The following RESF1 variants were observed in gnomAD, a reference collection of about 807,000 sequenced individuals.
RESF1 encodes gonad expressed transcript.
RESF1 carries 65 observed loss-of-function variants against 134.7 expected under a neutral mutation model. The observed-to-expected ratio is 0.48, with a 90% CI of 0.40 to 0.59. RESF1 has a LOEUF of 0.59. Among genes scored for constraint, RESF1 ranks in the 20% least tolerant of loss-of-function variants. RESF1 has a pLI of 0.00. For synonymous variants in RESF1, 762 were observed against 702.2 expected (o/e 1.09, Z -1.35); for missense variants, 2,274 against 2,002.7 (o/e 1.14, Z -2.59).
intron 5 of RESF1, among the ~76,000 whole-genome samples, chr12:31,989,818 C>G (rs1379972741): frequency 6.6e-6 from 1 of 152,134 alleles, no homozygotes; most frequent in Non-Finnish European, 1.5e-5. Flanking sequence ...GACCACTGCA[C>G]TCCAGCTTGG....
chr12:31,982,163 TAAA>T lies in RESF1; in HGVS notation c.1210_1212del (p.Lys404del), dbSNP rs1189878069. ...AGGGATATTAAAACATTAGTAGAGA[TAAA>T]ACAGAAGTTTTCAGAACTTGCAAGG... On this transcript the variant is annotated inframe_deletion, in exon 4 of 6. Coordinates refer to ENST00000312561, the MANE Select transcript of RESF1 (RefSeq NM_018169.4). 1.9e-6 allele frequency: 3 copies of T among 1,612,678 alleles called. No individual in the cohort carries two copies. The highest frequency in any genetic ancestry group is 1.3e-5 in the African/African-American group (1 of 74,902).
intron 2 of RESF1, among the ~76,000 whole-genome samples, chr12:31,965,216 C>G (rs1939371290): frequency 6.6e-6 from 1 of 152,178 alleles, no homozygotes; most frequent in South Asian, 2.1e-4. Context: ...CTCTGCCTCC[C>G]AAAGTGCTGG....
chr12:31,969,922 ATGTGTATGTGTGCT>A (rs1939471762), intron 2 of RESF1, among the ~76,000 whole-genome samples: 1 of 152,064 alleles, frequency 6.6e-6, no homozygotes, highest in African/African-American at 2.4e-5. Flanking sequence ...CTTTCTATTC[ATGTGTATGTGTGCT>A]TGTGCATGTG....
At chr12:31,987,468 TAGG>T (rs1940002767) in intron 5 of RESF1, 146 bp downstream of exon 5, 3 of 572,024 alleles carry the variant, frequency 5.2e-6, no homozygotes, top group Non-Finnish European at 3.1e-6. Flanking sequence ...GTTTGAGTGG[TAGG>T]AGGACATTTT....
At chr12:31,988,254 G>A (rs1414960473) in intron 5 of RESF1, among the ~76,000 whole-genome samples, 2 of 152,162 alleles carry the variant, frequency 1.3e-5, no homozygotes, top group African/African-American at 2.4e-5. Flanking sequence ...AGTCCATTAA[G>A]TGTGGTTGAG....
chr12:31,970,648 T>A (rs945542244), intron 3 of RESF1, among the ~76,000 whole-genome samples: 1 of 152,198 alleles, frequency 6.6e-6, no homozygotes, highest in Admixed American at 6.5e-5. Flanking sequence ...TGTCCTTGAG[T>A]AAAGAATCTT....
chr12:31,987,537 AT>A (rs1204621049), intron 5 of RESF1, among the ~76,000 whole-genome samples: 1 of 151,958 alleles, frequency 6.6e-6, no homozygotes, highest in Non-Finnish European at 1.5e-5. Flanking sequence ...TAATAGGAAA[AT>A]AAGTCTTATC....
chr12:31,962,450 A>G (rs1467644535), intron 2 of RESF1: 1 of 152,196 alleles, frequency 6.6e-6, no homozygotes, highest in Non-Finnish European at 1.5e-5. Context: ...GAGGAATTCT[A>G]AATGCTTTGT....
intron 2 of RESF1, among the ~76,000 whole-genome samples, chr12:31,964,729 T>C (rs986355800): frequency 6.6e-6 from 1 of 152,208 alleles, no homozygotes; most frequent in Admixed American, 6.5e-5. Flanking sequence ...TAAGCATCTT[T>C]TTATGTGCAT....
chr12:31,968,012 T>C (rs1485995471), intron 2 of RESF1, among the ~76,000 whole-genome samples: 1 of 152,216 alleles, frequency 6.6e-6, no homozygotes, highest in East Asian at 1.9e-4. Flanking sequence ...TTGAATAAAT[T>C]GTGTTACATT....
In RESF1 at chr12:31,980,887, A is replaced by G; in HGVS notation, c.-69A>G. ...TCTTTATTTCTTACAGATTCCTGACATTCAGACAACTGACTTGTAACTGAC... is the reference window on the plus strand; with the variant it reads ...TCTTTATTTCTTACAGATTCCTGACGTTCAGACAACTGACTTGTAACTGAC... On this transcript the variant is annotated 5_prime_UTR_variant, in exon 4 of 6. Coordinates refer to ENST00000312561, the MANE Select transcript of RESF1 (RefSeq NM_018169.4). 2 of 1,160,140 alleles carry G rather than the reference A, an allele frequency of 1.7e-6. No individual in the cohort carries two copies. Among genetic ancestry groups the G allele is most frequent in the Admixed American group, 2.5e-5 (1 of 40,070 alleles). The allele number at this position is 1,160,140 out of a possible 1,614,324, so 71.9% of individuals were successfully genotyped here.
intron 5 of RESF1, among the ~76,000 whole-genome samples, chr12:31,990,548 A>G (rs1368338925): frequency 1.3e-5 from 2 of 152,120 alleles, no homozygotes; most frequent in South Asian, 2.1e-4. Context: ...CCTGGGTTCA[A>G]GCGATTCTCC....
At position 31,987,278 on chromosome 12, in the gene RESF1, T is replaced by G. The variant is rs1939995765; in HGVS notation, c.5042T>G (p.Phe1681Cys). The G allele has an allele frequency of 1.9e-6, 3 of 1,603,402 alleles. No homozygotes were observed. Among genetic ancestry groups the G allele is most frequent in the Admixed American group, 3.4e-5 (2 of 59,232 alleles). Residue 1681 changes from phenylalanine (F) to cysteine (C), a missense_variant, in exon 5 of 6, where the codon TTT becomes TGT. Physicochemically the swap from Phe to Cys is radical, Grantham distance 205. Transcript: ENST00000312561. ...IKSTKEDWLK[F>C]VATKKRTQKD... is the part of the protein sequence containing the mutation. ...AGTACAAAAGAAGACTGGTTAAAATTTGTTGCTACAAAGAAAAGGACACAG... is the reference window on the plus strand; with the variant it reads ...AGTACAAAAGAAGACTGGTTAAAATGTGTTGCTACAAAGAAAAGGACACAG...
Position 31,982,868 on chromosome 12 carries a change from C to A in RESF1, c.1913C>A (p.Ser638Tyr), listed in dbSNP as rs747682960. 1.2e-6 allele frequency: 2 copies of A among 1,613,990 alleles called. No individual in the cohort carries two copies. ...AAGAACATGGAAACTCCAAGTACTT[C>A]TAATGTAAGTGGCAGGGTTTTGGAC... ...NLKNMETPSTSNVSGRVLDNS... is the reference protein window; with the variant it reads ...NLKNMETPSTYNVSGRVLDNS... Residue 638 changes from serine to tyrosine, a missense_variant, in exon 4 of 6, where the codon TCT (serine) becomes TAT (tyrosine). Physicochemically the swap from Ser to Tyr is moderately radical, Grantham distance 144. Coordinates refer to ENST00000312561, the MANE Select transcript of RESF1 (RefSeq NM_018169.4).
At chr12:31,961,861 C>G (rs1050159826) in intron 2 of RESF1, among the ~76,000 whole-genome samples, 2 of 152,164 alleles carry the variant, frequency 1.3e-5, no homozygotes, top group African/African-American at 4.8e-5. Flanking sequence ...CTCTTCCCTC[C>G]TAGATTATCA....
In RESF1 at chr12:31,985,076, A is replaced by G. The variant is rs957577794; in HGVS notation, c.4121A>G (p.Lys1374Arg). The G allele has an allele frequency of 1.9e-6, 3 of 1,570,560 alleles. No individual in the cohort carries two copies. The highest frequency in any genetic ancestry group is 2.6e-6 in the Non-Finnish European group (3 of 1,166,484). The change falls in exon 4 of 6, where the codon AAA (lysine) becomes AGA (arginine). Residue 1374 changes from lysine (K) to arginine (R), a missense_variant. Coordinates refer to ENST00000312561, the MANE Select transcript of RESF1 (RefSeq NM_018169.4). ...LKLKSVSFKQ[K>R]RKLDQGNVLD... ...CTCAAATCAGTTAGCTTCAAACAAA[A>G]ACGAAAGTTAGACCAAGGGAACGTA...
At chr12:31,973,186 A>C (rs1162188247) in intron 3 of RESF1, among the ~76,000 whole-genome samples, 1 of 152,200 alleles carries the variant, frequency 6.6e-6, no homozygotes, top group Non-Finnish European at 1.5e-5. Context: ...TCTGTGTTAG[A>C]ATATATTCTT....
rs757791707 is a variant in RESF1, at chr12:31,983,994, A to G, written c.3039A>G (p.Ser1013=). The change falls in exon 4 of 6, where the codon TCA becomes TCG. Residue 1013 remains serine (S), a synonymous_variant. Coordinates refer to ENST00000312561, the MANE Select transcript of RESF1 (RefSeq NM_018169.4). The part of the protein sequence containing the change: ...EKSTANDTCS[S]AAIQEDIYPQ... ...GCACAGCTAACGATACGTGCTCGTC[A>G]GCTGCTATTCAGGAGGATATTTACC... 1.9e-6 allele frequency: 3 copies of G among 1,614,026 alleles called. No individual in the cohort carries two copies. The East Asian group carries it at 6.7e-5, about 36-fold the overall frequency.
At chr12:31,977,267 G>A (rs1205388021) in intron 3 of RESF1, among the ~76,000 whole-genome samples, 2 of 151,898 alleles carry the variant, frequency 1.3e-5, no homozygotes, top group South Asian at 2.1e-4. Flanking sequence ...TGCAACCTCC[G>A]CCTCCCTGGT....
Sources: gnomAD v4.1 joint callset for allele counts (sites outside exome capture counted in the v4.1 genomes callset) on GRCh38, gnomAD v4.1.1 for gene constraint, MANE v1.5 for transcripts, NCBI Gene and HGNC (gene_info 2026-07-23, HGNC 2026-07-21) for gene names.